Variants in BTBD9 observed in about 807,000 individuals in gnomAD.
BTBD9 encodes BTB/POZ domain-containing protein 9.
A neutral mutation model predicts 64.3 loss-of-function variants in BTBD9; 49 were observed. The ratio of observed to expected loss-of-function variants is 0.76; its 90% CI spans 0.61 to 0.97. The LOEUF is 0.97. BTBD9 is among the 50% of genes least tolerant of loss of function. BTBD9 has a pLI of 0.00. For synonymous variants in BTBD9, 260 were observed against 274.7 expected, an observed-to-expected ratio of 0.95 and a Z score of 0.53; for missense variants, 598 against 762.1, an observed-to-expected ratio of 0.78 and a Z score of 2.53.
In BTBD9 at chr6:38,532,418, G is replaced by A. The variant is rs115182229; in HGVS notation, c.1154+45182C>T. On this transcript the variant is annotated intron_variant, in intron 6 of 10. Transcript: ENST00000481247. ...CTAGTGCTGAACTGGGCTCAGAGCC[G>A]AGGGACTGAGGGGACAAGTGACCTA... Among the ~76,000 whole-genome samples, 1,310 of 152,230 alleles carry A rather than the reference G, an allele frequency of 8.6e-3. 20 individuals carry two copies. The highest frequency in any genetic ancestry group is 0.029 in the African/African-American group (1,193 of 41,538).
chr6:38,248,824 GA>G (rs1190664543), intron 9 of BTBD9, among the ~76,000 whole-genome samples: 1 of 152,210 alleles, frequency 6.6e-6, no homozygotes, highest in Non-Finnish European at 1.5e-5. Flanking sequence ...ATTAGTAAAT[GA>G]AAAATCTTGG....
intron 7 of BTBD9, among the ~76,000 whole-genome samples, chr6:38,294,777 T>C (rs1582180149): frequency 6.6e-6 from 1 of 151,682 alleles, no homozygotes; most frequent in African/African-American, 2.4e-5. Flanking sequence ...ATTCTGCACA[T>C]GTATCCCAGA....
chr6:38,210,885 T>A (rs2127499175), intron 9 of BTBD9, among the ~76,000 whole-genome samples: 1 of 151,800 alleles, frequency 6.6e-6, no homozygotes, highest in East Asian at 1.9e-4. Flanking sequence ...TCAGGGAGAG[T>A]GTGTCTTGAA....
In BTBD9 at chr6:38,177,178, C is replaced by T. The variant is rs566051663; in HGVS notation, c.1642-1996G>A. ...CTGCTCGGTCAATATCTCCGGAGGC[C>T]GCTCCCCAGAGCCTCAGGCTGACAC... On this transcript the variant is annotated intron_variant, in intron 10 of 10. Transcript: ENST00000481247. Among the ~76,000 whole-genome samples, 7 of 152,264 alleles carry T rather than the reference C, an allele frequency of 4.6e-5. No homozygotes were observed. The South Asian group carries it at 1.0e-3, about 23-fold the overall frequency.
chr6:38,612,290 CTCT>C (rs1338281132), intron 1 of BTBD9, among the ~76,000 whole-genome samples: 8 of 152,184 alleles, frequency 5.3e-5, no homozygotes, highest in Non-Finnish European at 8.8e-5. Context: ...AGAATGTCTG[CTCT>C]TCAACTAATA....
At chr6:38,345,420 G>A (rs73422870) in intron 6 of BTBD9, among the ~76,000 whole-genome samples, 4,128 of 152,282 alleles carry the variant, frequency 0.027, 173 homozygotes, top group African/African-American at 0.094. Context: ...CATTTATACC[G>A]GAGAATAACA....
At chr6:38,468,410 A>C (rs1429597582) in intron 6 of BTBD9, among the ~76,000 whole-genome samples, 2 of 151,876 alleles carry the variant, frequency 1.3e-5, no homozygotes, top group Non-Finnish European at 2.9e-5. Flanking sequence ...GTCCTTTCTC[A>C]CTCCTGTAAC....
chr6:38,267,233 G>A (rs1202049424), intron 8 of BTBD9, among the ~76,000 whole-genome samples: 1 of 152,200 alleles, frequency 6.6e-6, no homozygotes, highest in African/African-American at 2.4e-5. Flanking sequence ...AGTTTCTTCT[G>A]TTAATAGCTG....
At chr6:38,618,739 G>A (rs1332363568) in intron 1 of BTBD9, among the ~76,000 whole-genome samples, 1 of 152,174 alleles carries the variant, frequency 6.6e-6, no homozygotes, top group Non-Finnish European at 1.5e-5. Context: ...TATCCTATAG[G>A]GTCTAGGGCA....
chr6:38,612,616 G>A (rs1777647260), intron 1 of BTBD9, among the ~76,000 whole-genome samples: 1 of 152,168 alleles, frequency 6.6e-6, no homozygotes, highest in East Asian at 1.9e-4. Flanking sequence ...GATGACTTAA[G>A]GAATGGGGTA....
intron 1 of BTBD9, among the ~76,000 whole-genome samples, chr6:38,629,152 T>C (rs1409085614): frequency 2.0e-5 from 3 of 152,140 alleles, no homozygotes; most frequent in African/African-American, 7.2e-5. Context: ...AACTAATAAA[T>C]GTAAAAGGAG....
chr6:38,288,229 A>G, intron 8 of BTBD9, 43 bp downstream of exon 8: 1 of 1,561,012 alleles, frequency 6.4e-7, no homozygotes, highest in Non-Finnish European at 8.8e-7. Flanking sequence ...CTATATGTGT[A>G]TCTTCCATTT....
chr6:38,252,966 T>C (rs1008151608), intron 9 of BTBD9, among the ~76,000 whole-genome samples: 4 of 151,898 alleles, frequency 2.6e-5, no homozygotes, highest in Admixed American at 6.6e-5. Context: ...ATACAAAAAT[T>C]AGCTTGGCGC....
intron 9 of BTBD9, among the ~76,000 whole-genome samples, chr6:38,253,300 C>T (rs1764464998): frequency 6.6e-6 from 1 of 152,222 alleles, no homozygotes; most frequent in African/African-American, 2.4e-5. Flanking sequence ...TGGCAGAAGG[C>T]GAAGGTTAGG....
chr6:38,563,031 A>T (rs1025771456), intron 6 of BTBD9, among the ~76,000 whole-genome samples: 11 of 152,066 alleles, frequency 7.2e-5, no homozygotes, highest in Admixed American at 6.6e-5. Flanking sequence ...GCCACTGATG[A>T]CCTGTCCCTC....
chr6:38,517,109 C>T (rs1274400082), intron 6 of BTBD9, among the ~76,000 whole-genome samples: 1 of 152,148 alleles, frequency 6.6e-6, no homozygotes, highest in Non-Finnish European at 1.5e-5. Context: ...CTACCTCAGT[C>T]ATATTTCAGA....
rs199730187 is a variant in BTBD9 at position 38,550,309 on chromosome 6, CTTTT to C, written c.1154+27287_1154+27290del. On this transcript the variant is annotated intron_variant, in intron 6 of 10. Coordinates refer to ENST00000481247, the MANE Select transcript of BTBD9 (RefSeq NM_001099272.2). ...TTGATATCATCCTTGATTTCTTTTT[CTTTT>C]TCTTTTTTCTTTTTTTTTTTTGAGA... 8.3e-3 allele frequency among the ~76,000 whole-genome samples: 1,137 copies of C among 136,512 alleles called. 15 individuals carry two copies. Among genetic ancestry groups the C allele is most frequent in the African/African-American group, 0.03 (1,059 of 35,358 alleles). The allele number at this position is 136,512 out of a possible 152,430, so 89.6% of individuals were successfully genotyped here.
At chr6:38,192,986 C>G (rs578014965) in intron 9 of BTBD9, among the ~76,000 whole-genome samples, 49 of 151,966 alleles carry the variant, frequency 3.2e-4, no homozygotes, top group African/African-American at 1.2e-3. Flanking sequence ...AGCACACCAG[C>G]ATGGCACATG....
At chr6:38,194,844 A>C (rs1036933775) in intron 9 of BTBD9, among the ~76,000 whole-genome samples, 3 of 149,234 alleles carry the variant, frequency 2.0e-5, no homozygotes, top group Admixed American at 2.0e-4. Flanking sequence ...TTGCTTCTGC[A>C]TGGGGAGGCA....
Sources: gnomAD v4.1 joint callset for allele counts (sites outside exome capture counted in the v4.1 genomes callset) on GRCh38, gnomAD v4.1.1 for gene constraint, MANE v1.5 for transcripts, NCBI Gene and HGNC (gene_info 2026-07-23, HGNC 2026-07-21) for gene names.